The following CNOT1 variants were observed in gnomAD, a reference collection of about 807,000 sequenced individuals.
CNOT1 encodes CCR4-associated factor 1.
In CNOT1, 15 loss-of-function variants were observed where a neutral mutation model predicts 273.8. The ratio of observed to expected loss-of-function variants is 0.05; its 90% CI spans 0.04 to 0.08. The LOEUF (loss-of-function observed/expected upper bound fraction) is 0.08, where lower values mean the gene tolerates loss of function less well. CNOT1 is among the 10% of genes least tolerant of loss of function. The probability of loss-of-function intolerance (pLI) is 1.00; values close to 1 mark genes in which losing one functional copy is unlikely to be tolerated. For missense variants in CNOT1, 1,644 were observed against 2,912.2 expected, an observed-to-expected ratio of 0.56 and a Z score of 10.02; for synonymous variants, 1,022 against 1,005.5, an observed-to-expected ratio of 1.02 and a Z score of -0.31.
chr16:58,563,618 G>C (rs1234614824), intron 16 of CNOT1, among the ~76,000 whole-genome samples: 1 of 152,190 alleles, frequency 6.6e-6, no homozygotes, highest in Admixed American at 6.5e-5. Flanking sequence ...GAGGTCCTCT[G>C]AAGCTTCATT....
chr16:58,577,591 G>A (rs180851676), intron 13 of CNOT1, among the ~76,000 whole-genome samples: 1 of 152,214 alleles, frequency 6.6e-6, no homozygotes, highest in Non-Finnish European at 1.5e-5. Flanking sequence ...GGGCACTCGG[G>A]GTAAAGGGGA....
intron 43 of CNOT1, among the ~76,000 whole-genome samples, chr16:58,529,840 C>CAAAAAA (rs58854069): frequency 4.3e-4 from 30 of 69,398 alleles, no homozygotes; most frequent in African/African-American, 9.2e-4. Flanking sequence ...GACTCTGTCT[C>CAAAAAA]AAAAAAAAAA....
rs368570758 is a variant in CNOT1, at chr16:58,601,858, G to A, written c.-174-2347C>T. Reference sequence around the variant, plus strand: ...TTGAGGCCAGCCTGGGCAATATGGCGAGACCCTGTCTATTAAAAAAAAAAA... The same window carrying A: ...TTGAGGCCAGCCTGGGCAATATGGCAAGACCCTGTCTATTAAAAAAAAAAA... On this transcript the variant is annotated intron_variant, in intron 1 of 48. Transcript: ENST00000317147. 2.8e-4 allele frequency among the ~76,000 whole-genome samples: 40 copies of A among 140,744 alleles called. No individual in the cohort carries two copies. The East Asian group carries it at 6.2e-3, about 22-fold the overall frequency. The allele number at this position is 140,744 out of a possible 152,430, so 92.3% of individuals were successfully genotyped here.
intron 16 of CNOT1, among the ~76,000 whole-genome samples, chr16:58,567,821 A>C (rs1293819165): frequency 6.6e-6 from 1 of 152,202 alleles, no homozygotes; most frequent in Admixed American, 6.5e-5. Flanking sequence ...GAAGCCTGAG[A>C]GGTGAATCAA....
At chr16:58,532,604 A>G in intron 40 of CNOT1, 1 of 839,184 alleles carries the variant, frequency 1.2e-6, no homozygotes, top group Non-Finnish European at 1.7e-6. Context: ...TTTGCATTTC[A>G]ACATCCTTGG....
chr16:58,548,489 CG>C (rs747058252), intron 25 of CNOT1: 10 of 512,908 alleles, frequency 1.9e-5, no homozygotes, highest in African/African-American at 1.9e-4. Flanking sequence ...ATAATAAAAA[CG>C]AAATAGAGCC....
At chr16:58,623,695 T>A (rs1272792474) in intron 1 of CNOT1, among the ~76,000 whole-genome samples, 1 of 152,054 alleles carries the variant, frequency 6.6e-6, no homozygotes, top group Non-Finnish European at 1.5e-5. Context: ...CTCTTGAACC[T>A]AAGTGTTGGC....
At chr16:58,626,678 T>G (rs2152060264) in intron 1 of CNOT1, among the ~76,000 whole-genome samples, 1 of 151,742 alleles carries the variant, frequency 6.6e-6, no homozygotes, top group East Asian at 1.9e-4. Flanking sequence ...GAGAATCGCT[T>G]GAACCCAGGA....
intron 3 of CNOT1, 130 bp from the exon 4 acceptor site, chr16:58,588,008 T>TA: frequency 1.0e-6 from 1 of 978,852 alleles, no homozygotes; most frequent in South Asian, 1.8e-5. Context: ...ATCGGCTCTT[T>TA]AAAAATCTCG....
chr16:58,586,805 A>G, intron 6 of CNOT1, 57 bp from the exon 7 acceptor site: 1 of 1,562,586 alleles, frequency 6.4e-7, no homozygotes, highest in Non-Finnish European at 8.7e-7. Flanking sequence ...ATGGGTTAAA[A>G]AGTCATATAC....
At chr16:58,594,600 T>C (rs1043444861) in intron 2 of CNOT1, among the ~76,000 whole-genome samples, 1 of 150,834 alleles carries the variant, frequency 6.6e-6, no homozygotes, top group Non-Finnish European at 1.5e-5. Context: ...TGCCAGAAGT[T>C]TGAGACCAAC....
chr16:58,593,064 G>C (rs1362567055), intron 2 of CNOT1, among the ~76,000 whole-genome samples: 1 of 152,076 alleles, frequency 6.6e-6, no homozygotes, highest in Non-Finnish European at 1.5e-5. Context: ...AAAACACAAA[G>C]AATCAGGATG....
chr16:58,595,307 T>C (rs1490198654), intron 2 of CNOT1, among the ~76,000 whole-genome samples: 1 of 151,434 alleles, frequency 6.6e-6, no homozygotes, highest in Non-Finnish European at 1.5e-5. Flanking sequence ...ACCATATTGT[T>C]CCCCGCACCA....
At chr16:58,549,500 A>C (rs1447290365) in intron 25 of CNOT1, among the ~76,000 whole-genome samples, 1 of 152,208 alleles carries the variant, frequency 6.6e-6, no homozygotes, top group Non-Finnish European at 1.5e-5. Context: ...AAAACAATTC[A>C]TAATAGTGGT....
rs1038461743 is a variant in CNOT1 at position 58,546,208 on chromosome 16, G to A, written c.4006+113C>T. The A allele has an allele frequency of 2.1e-5, 20 of 932,288 alleles. No individual in the cohort carries two copies. In the Middle Eastern group the frequency reaches 7.2e-4, roughly 33 times the overall value. 57.8% of individuals were successfully genotyped at this position (932,288 alleles called of 1,614,324 possible). ...GAAGGCTCACCAAAACGTATACAAA[G>A]TTTCACCACTACATTATGTGGGAAA... On this transcript the variant is annotated intron_variant, in intron 29 of 48. Transcript: ENST00000317147.
At chr16:58,572,836 A>C (rs562584929) in intron 16 of CNOT1, among the ~76,000 whole-genome samples, 1 of 151,926 alleles carries the variant, frequency 6.6e-6, no homozygotes, top group Non-Finnish European at 1.5e-5. Context: ...TGAGCCTGCA[A>C]GGCAGAGGTT....
intron 40 of CNOT1, chr16:58,532,611 T>C: frequency 1.3e-6 from 1 of 751,374 alleles, no homozygotes; most frequent in Non-Finnish European, 2.0e-6. Context: ...TTCAACATCC[T>C]TGGACCACAC....
chr16:58,602,553 CAAAAA>C (rs60230860), intron 1 of CNOT1, among the ~76,000 whole-genome samples: 4 of 57,972 alleles, frequency 6.9e-5, no homozygotes, highest in African/African-American at 3.3e-4. Flanking sequence ...ACTCTGTCTC[CAAAAA>C]AAAAAAAAAA....
chr16:58,574,792 A>T (rs774417745), intron 15 of CNOT1, 32 bp from the exon 16 acceptor site: 2 of 1,581,140 alleles, frequency 1.3e-6, no homozygotes, highest in South Asian at 2.4e-5. Context: ...CAGTGTATTT[A>T]AAATTGATCT....
Sources: gnomAD v4.1 joint callset for allele counts (sites outside exome capture counted in the v4.1 genomes callset) on GRCh38, gnomAD v4.1.1 for gene constraint, MANE v1.5 for transcripts, NCBI Gene and HGNC (gene_info 2026-07-23, HGNC 2026-07-21) for gene names.